PCDH15: variants seen among roughly 807,000 people sequenced by gnomAD.
The protein encoded by PCDH15 is protocadherin-15.
PCDH15 carries 129 observed loss-of-function variants against 178.5 expected under a neutral mutation model. That is an observed-to-expected ratio of 0.72 (90% CI 0.63 to 0.84). PCDH15 has a LOEUF of 0.84. Among genes scored for constraint, PCDH15 ranks in the 40% least tolerant of loss-of-function variants. PCDH15 has a pLI of 0.00. For synonymous variants in PCDH15, 800 were observed against 732.0 expected (o/e 1.09, Z -1.50); for missense variants, 2,230 against 2,099.9 (o/e 1.06, Z -1.21).
At chr10:53,870,586 G>A (rs2079768295) in intron 26 of PCDH15, among the ~76,000 whole-genome samples, 1 of 152,164 alleles carries the variant, frequency 6.6e-6, no homozygotes, top group Non-Finnish European at 1.5e-5. Context: ...AGTATGTTCA[G>A]TTGAATACTA....
At chr10:55,581,500 A>C (rs200203959) in intron 2 of PCDH15, among the ~76,000 whole-genome samples, 2 of 151,820 alleles carry the variant, frequency 1.3e-5, no homozygotes, top group East Asian at 3.9e-4. Flanking sequence ...TTTTTTTTAA[A>C]TGTAAATTTT....
intron 2 of PCDH15, among the ~76,000 whole-genome samples, chr10:55,049,627 G>T (rs1564748131): frequency 6.6e-6 from 1 of 151,896 alleles, no homozygotes; most frequent in Non-Finnish European, 1.5e-5. Flanking sequence ...CAGCTATGTG[G>T]CAGGTCATAC....
Position 54,235,762 on chromosome 10 carries a change from T to C in PCDH15, c.985+1061A>G, listed in dbSNP as rs115840090. Among the ~76,000 whole-genome samples, 582 of 152,318 alleles carry C rather than the reference T, an allele frequency of 3.8e-3. 5 individuals carry two copies. Among genetic ancestry groups the C allele is most frequent in the African/African-American group, 0.013 (537 of 41,570 alleles). On this transcript the variant is annotated intron_variant, in intron 9 of 37. Coordinates refer to ENST00000644397, the MANE Select transcript of PCDH15 (RefSeq NM_001384140.1). ...TGTTTTTAGCATCTAATAAGAGTGA[T>C]TGACATACAGTCAAGCCTTCAGTTA...
intron 15 of PCDH15, among the ~76,000 whole-genome samples, chr10:54,126,071 C>CTT (rs2041962945): frequency 5.1e-5 from 6 of 118,376 alleles, no homozygotes; most frequent in African/African-American, 1.4e-4. Flanking sequence ...AAAGAATTAC[C>CTT]ATTTTTTTTT....
intron 3 of PCDH15, among the ~76,000 whole-genome samples, chr10:54,467,628 GTTA>G (rs1260582268): frequency 1.1e-5 from 1 of 92,992 alleles, no homozygotes; most frequent in African/African-American, 4.5e-5. Context: ...TTTTTTTTTG[GTTA>G]TTGTTTTTAG....
chr10:53,821,356 A>G, intron 32 of PCDH15: 4 of 994,354 alleles, frequency 4.0e-6, no homozygotes, highest in Non-Finnish European at 4.8e-6. Context: ...CAATCTAGGT[A>G]CATTATATTT....
chr10:54,559,865 A>G (rs2087839040), intron 2 of PCDH15, among the ~76,000 whole-genome samples: 1 of 119,130 alleles, frequency 8.4e-6, no homozygotes, highest in Admixed American at 8.3e-5. Flanking sequence ...AAAAAAAAAA[A>G]AAAAAAAAAG....
rs561665665 is a variant in PCDH15 at position 54,410,049 on chromosome 10, G to A, written c.158-31107C>T. Reference sequence around the variant, plus strand: ...AAGACACCATCTCACACCTGGTTTTGTCTATACCTTGTGAGAACCTCACAA... The same window carrying A: ...AAGACACCATCTCACACCTGGTTTTATCTATACCTTGTGAGAACCTCACAA... On this transcript the variant is annotated intron_variant, in intron 3 of 37. Transcript: ENST00000644397. 1.0e-3 allele frequency among the ~76,000 whole-genome samples: 157 copies of A among 152,208 alleles called. No individual in the cohort carries two copies. In the Middle Eastern group the frequency reaches 0.02, roughly 20 times the overall value.
At chr10:53,891,285 A>C (rs1355905426) in intron 26 of PCDH15, among the ~76,000 whole-genome samples, 1 of 152,184 alleles carries the variant, frequency 6.6e-6, no homozygotes, top group Non-Finnish European at 1.5e-5. Context: ...GGGAGAACCA[A>C]ATGTCAGTAT....
Position 54,238,729 on chromosome 10 carries a change from A to G in PCDH15, c.877-1798T>C, listed in dbSNP as rs566995706. On this transcript the variant is annotated intron_variant, in intron 8 of 37. Coordinates refer to ENST00000644397, the MANE Select transcript of PCDH15 (RefSeq NM_001384140.1). ...CACACACACACTTTCCCAATAATCAATTTGCTTGGTATGCAATACCTGTAT... is the reference window on the plus strand; with the variant it reads ...CACACACACACTTTCCCAATAATCAGTTTGCTTGGTATGCAATACCTGTAT... 1.6e-3 allele frequency among the ~76,000 whole-genome samples: 238 copies of G among 148,818 alleles called. 1 individual carries two copies. Among genetic ancestry groups the G allele is most frequent in the African/African-American group, 5.2e-3 (208 of 40,054 alleles).
At chr10:54,919,065 C>T (rs796100795) in intron 2 of PCDH15, among the ~76,000 whole-genome samples, 10 of 152,090 alleles carry the variant, frequency 6.6e-5, no homozygotes, top group South Asian at 2.1e-4. Flanking sequence ...TTCTCACCAT[C>T]GTAAAGTAAA....
intron 2 of PCDH15, chr10:54,600,423 C>T: frequency 1.7e-6 from 1 of 574,804 alleles, no homozygotes; most frequent in South Asian, 1.4e-5. Flanking sequence ...AAGACATTGT[C>T]ACCAATGACC....
In PCDH15 at chr10:55,137,538, T is replaced by G. The variant is rs1295493972; in HGVS notation, c.-80+29038A>C. On this transcript the variant is annotated intron_variant, in intron 2 of 5. Coordinates refer to the PCDH15 transcript ENST00000458638. ...ATGCATGACTGTAACAGATTCGGGTTTTTTTTTTTTAAGGGTAAATCACTG... is the reference window on the plus strand; with the variant it reads ...ATGCATGACTGTAACAGATTCGGGTGTTTTTTTTTTAAGGGTAAATCACTG... Among the ~76,000 whole-genome samples, 9 of 790 alleles carry G rather than the reference T, an allele frequency of 0.011. No homozygotes were observed. The South Asian group carries it at 0.23, about 20-fold the overall frequency. 0.5% of individuals were successfully genotyped at this position (790 alleles called of 152,430 possible).
intron 17 of PCDH15, 114 bp downstream of exon 17, chr10:54,079,217 A>T: frequency 9.8e-7 from 1 of 1,019,738 alleles, no homozygotes; most frequent in Non-Finnish European, 1.6e-6. Flanking sequence ...TCTAGTAATT[A>T]TAAGAAGTTG....
intron 25 of PCDH15, among the ~76,000 whole-genome samples, chr10:53,934,643 G>T (rs1025819070): frequency 1.3e-5 from 2 of 151,694 alleles, no homozygotes; most frequent in African/African-American, 4.8e-5. Flanking sequence ...TTAATGAGAC[G>T]TGTGACACAT....
intron 17 of PCDH15, among the ~76,000 whole-genome samples, chr10:54,071,859 C>T (rs1031758066): frequency 2.6e-5 from 4 of 152,014 alleles, no homozygotes; most frequent in African/African-American, 9.7e-5. Context: ...CTATAGTCAA[C>T]AAGATTCACT....
intron 2 of PCDH15, among the ~76,000 whole-genome samples, chr10:54,634,473 G>A (rs1403788103): frequency 6.6e-6 from 1 of 151,902 alleles, no homozygotes; most frequent in Non-Finnish European, 1.5e-5. Flanking sequence ...ATAAGTCTCT[G>A]GACTTACTGT....
intron 1 of PCDH15, among the ~76,000 whole-genome samples, chr10:55,243,536 G>T (rs959807641): frequency 6.6e-6 from 1 of 152,092 alleles, no homozygotes; most frequent in Non-Finnish European, 1.5e-5. Flanking sequence ...GGTTCACATT[G>T]ATGTTTCTCC....
chr10:55,427,812 T>C (rs947124796), intron 2 of PCDH15, among the ~76,000 whole-genome samples: 3 of 152,138 alleles, frequency 2.0e-5, no homozygotes, highest in African/African-American at 7.2e-5. Flanking sequence ...TTAAATATCA[T>C]ATTTAAATAT....
Sources: gnomAD v4.1 joint callset for allele counts (sites outside exome capture counted in the v4.1 genomes callset) on GRCh38, gnomAD v4.1.1 for gene constraint, MANE v1.5 for transcripts, NCBI Gene and HGNC (gene_info 2026-07-23, HGNC 2026-07-21) for gene names.